Variants in RFX8 observed in about 807,000 individuals in gnomAD.
RFX8 encodes the protein DNA-binding protein RFX8.
RFX8 carries 46 observed loss-of-function variants against 54.6 expected under a neutral mutation model. The observed-to-expected ratio is 0.84, with a 90% CI of 0.67 to 1.08. The LOEUF is 1.08. Ranked by LOEUF, RFX8 falls within the 50% of genes least tolerant of loss-of-function variation. The pLI, the probability that RFX8 is intolerant of heterozygous loss-of-function variation, is 0.00. For synonymous variants in RFX8, 192 were observed against 209.5 expected, an observed-to-expected ratio of 0.92 and a Z score of 0.72; for missense variants, 536 against 562.3, an observed-to-expected ratio of 0.95 and a Z score of 0.47.
chr2:101,420,168 G>C (rs7591334), intron 4 of RFX8, among the ~76,000 whole-genome samples: 139,722 of 152,150 alleles, frequency 0.92, 64,526 homozygotes, highest in South Asian at 0.98. Flanking sequence ...CAACAAGTCA[G>C]AGTTCTTCTG....
chr2:101,429,822 C>T (rs932224572), intron 2 of RFX8, among the ~76,000 whole-genome samples: 1 of 152,106 alleles, frequency 6.6e-6, no homozygotes, highest in African/African-American at 2.4e-5. Flanking sequence ...CTTCTGGAAG[C>T]CGGGCAATTG....
At chr2:101,410,177 AC>A (rs1686028153) in intron 9 of RFX8, among the ~76,000 whole-genome samples, 1 of 151,720 alleles carries the variant, frequency 6.6e-6, no homozygotes, top group Non-Finnish European at 1.5e-5. Flanking sequence ...ACATGCTCAC[AC>A]ACACTGTCAC....
At position 101,417,765 on chromosome 2, in the gene RFX8, G is replaced by A; in HGVS notation, c.352-81C>T. ...AGCTTATGCATGCCACAGGGACAGG[G>A]CGGGTCTCAAGAAGTCTGAGAGCGG... On this transcript the variant is annotated intron_variant, in intron 5 of 11. Coordinates refer to ENST00000428343, the MANE Select transcript of RFX8 (RefSeq NM_001145664.2). 3 of 1,255,920 alleles carry A rather than the reference G, an allele frequency of 2.4e-6. No homozygotes were observed. The South Asian group carries it at 5.0e-5, about 21-fold the overall frequency. The allele number at this position is 1,255,920 out of a possible 1,614,324, so 77.8% of individuals were successfully genotyped here. A position where few individuals can be genotyped will look rare whatever the true frequency, so the allele number is the denominator to read the frequency against.
At chr2:101,446,879 T>C (rs1688415189) in intron 2 of RFX8, among the ~76,000 whole-genome samples, 1 of 152,078 alleles carries the variant, frequency 6.6e-6, no homozygotes, top group Admixed American at 6.5e-5. Context: ...GATCAGCAAG[T>C]GAGAGAACAA....
At chr2:101,429,815 C>A (rs1414597139) in intron 2 of RFX8, among the ~76,000 whole-genome samples, 1 of 152,172 alleles carries the variant, frequency 6.6e-6, no homozygotes, top group African/African-American at 2.4e-5. Flanking sequence ...TGCTGTGCTT[C>A]TGGAAGCCGG....
intron 2 of RFX8, among the ~76,000 whole-genome samples, chr2:101,447,187 C>T (rs1337915901): frequency 6.6e-6 from 1 of 152,210 alleles, no homozygotes; most frequent in Non-Finnish European, 1.5e-5. Context: ...TCAGACCTGC[C>T]TCCTGTCTGA....
chr2:101,417,263 G>C (rs1005309340), intron 6 of RFX8, among the ~76,000 whole-genome samples: 2 of 152,200 alleles, frequency 1.3e-5, no homozygotes, highest in Non-Finnish European at 2.9e-5. Flanking sequence ...GGAGTGCAGT[G>C]ACATGATCAT....
At chr2:101,461,826 C>T (rs957550240) in intron 2 of RFX8, among the ~76,000 whole-genome samples, 1 of 152,150 alleles carries the variant, frequency 6.6e-6, no homozygotes, top group African/African-American at 2.4e-5. Context: ...TGTACACACA[C>T]AACATACACA....
chr2:101,466,312 A>AG (rs1438621513), intron 2 of RFX8, among the ~76,000 whole-genome samples: 1 of 130,316 alleles, frequency 7.7e-6, no homozygotes, highest in Non-Finnish European at 1.5e-5. Context: ...TATCTCGGAA[A>AG]AAAAAAAAAA....
At chr2:101,463,068 A>G (rs1444225042) in intron 2 of RFX8, among the ~76,000 whole-genome samples, 1 of 152,166 alleles carries the variant, frequency 6.6e-6, no homozygotes, top group Non-Finnish European at 1.5e-5. Context: ...CTGTCCGTCC[A>G]TCACCCATCC....
chr2:101,405,943 CA>C lies in RFX8; in HGVS notation c.927del (p.Phe309LeufsTer15). The stretch of plus-strand genomic sequence containing the variant: ...AATACTTTCTTATTCTCTGACTTAC[CA>C]AAACTATCTCTGTGGCAGAGGGTCA... ...KAMTLCHRDS[F>X]GSWHLFHLLL... On this transcript the variant is annotated frameshift_variant and splice_region_variant, in exon 10 of 12. Coordinates refer to ENST00000428343, the MANE Select transcript of RFX8 (RefSeq NM_001145664.2). LOFTEE classifies it high-confidence loss of function. The C allele has an allele frequency of 1.3e-6, 2 of 1,511,506 alleles. No homozygotes were observed. The highest frequency in any genetic ancestry group is 1.8e-6 in the Non-Finnish European group (2 of 1,123,760). The allele number at this position is 1,511,506 out of a possible 1,614,324, so 93.6% of individuals were successfully genotyped here.
At chr2:101,473,946 G>A (rs1044130726) in intron 1 of RFX8, among the ~76,000 whole-genome samples, 10 of 152,242 alleles carry the variant, frequency 6.6e-5, no homozygotes, top group Admixed American at 6.5e-4. Flanking sequence ...CTTTCCGCGG[G>A]AAGGGTGACA....
At chr2:101,406,643 C>G (rs1234022733) in intron 9 of RFX8, among the ~76,000 whole-genome samples, 1 of 152,110 alleles carries the variant, frequency 6.6e-6, no homozygotes, top group Non-Finnish European at 1.5e-5. Context: ...TGCCCAGCAC[C>G]ACACAGTTTT....
chr2:101,474,339 T>A (rs922776342), intron 1 of RFX8: 2 of 441,756 alleles, frequency 4.5e-6, no homozygotes, highest in African/African-American at 4.1e-5. Context: ...CGGCGCTGGG[T>A]TGCACCGGTC....
intron 2 of RFX8, among the ~76,000 whole-genome samples, chr2:101,462,063 C>G (rs1035263225): frequency 6.6e-6 from 1 of 152,026 alleles, no homozygotes; most frequent in Non-Finnish European, 1.5e-5. Context: ...AAAAAAATGA[C>G]CAGATATGGA....
rs530394815 is a variant in RFX8, at chr2:101,469,106, AAG to A, written c.-52-2208_-52-2207del. 1.7e-3 allele frequency among the ~76,000 whole-genome samples: 37 copies of A among 21,988 alleles called. 1 individual carries two copies. The highest frequency in any genetic ancestry group is 8.9e-3 in the East Asian group (8 of 900). 14.4% of individuals were successfully genotyped at this position (21,988 alleles called of 152,430 possible). A position where few individuals can be genotyped will look rare whatever the true frequency, so the allele number is the denominator to read the frequency against. ...TGTATATATATAAGTATATATATAT[AAG>A]TGTATATATATATAAGTATATATAT... On this transcript the variant is annotated intron_variant, in intron 1 of 11. Transcript: ENST00000428343.
At chr2:101,411,505 G>GC (rs1388467263) in intron 8 of RFX8, among the ~76,000 whole-genome samples, 1 of 151,630 alleles carries the variant, frequency 6.6e-6, no homozygotes, top group African/African-American at 2.4e-5. Flanking sequence ...GGCGGGGGAG[G>GC]GGGTGTCTCA....
rs770057823 is a variant in RFX8, at chr2:101,402,531, G to A, written c.1150C>T (p.Pro384Ser). 5.8e-6 allele frequency: 9 copies of A among 1,551,804 alleles called. No individual in the cohort carries two copies. In the South Asian group the frequency reaches 1.1e-4, roughly 18 times the overall value. Residue 384 changes from proline (P) to serine (S), a missense_variant, in exon 11 of 12, where the codon CCC becomes TCC. Physicochemically the swap from Pro to Ser is moderately conservative, Grantham distance 74 (BLOSUM62 -1). Coordinates refer to ENST00000428343, the MANE Select transcript of RFX8 (RefSeq NM_001145664.2). ...SPSMEPLGVM[P>S]THMGQGRYPV... The stretch of plus-strand genomic sequence containing the variant: ...TATCGGCCCTGGCCCATGTGTGTGG[G>A]CATCACCCCCAGTGGCTCCATGCTG...
At chr2:101,425,679 T>C (rs1033841313) in intron 2 of RFX8, among the ~76,000 whole-genome samples, 25 of 152,202 alleles carry the variant, frequency 1.6e-4, no homozygotes, top group African/African-American at 5.3e-4. Context: ...CTTATAGGCA[T>C]AAACCTTTCA....
Sources: gnomAD v4.1 joint callset for allele counts (sites outside exome capture counted in the v4.1 genomes callset) on GRCh38, gnomAD v4.1.1 for gene constraint, MANE v1.5 for transcripts, NCBI Gene and HGNC (gene_info 2026-07-23, HGNC 2026-07-21) for gene names.